STX3: variants seen among roughly 807,000 people sequenced by gnomAD.
STX3 encodes the protein syntaxin 3.
A neutral mutation model predicts 40.2 loss-of-function variants in STX3; 19 were observed. The ratio of observed to expected loss-of-function variants is 0.47; its 90% CI spans 0.33 to 0.69. The LOEUF (loss-of-function observed/expected upper bound fraction) is 0.69. Among genes scored for constraint, STX3 ranks in the 30% least tolerant of loss-of-function variants. The pLI is 0.02. For missense variants in STX3, 364 were observed against 366.7 expected (o/e 0.99, Z 0.06); for synonymous variants, 122 against 132.2 (o/e 0.92, Z 0.53).
At chr11:59,761,072 AT>A (rs1863007926) in intron 1 of STX3, among the ~76,000 whole-genome samples, 1 of 152,136 alleles carries the variant, frequency 6.6e-6, no homozygotes, top group African/African-American at 2.4e-5. Context: ...GAAGTGGAAC[AT>A]TTACTGAGGG....
Position 59,801,149 on chromosome 11 carries a change from G to C in STX3, c.*325G>C, listed in dbSNP as rs1865870446. ...GTGTGTCAGATTATGCCTTGCACTT[G>C]GGAAAGCTCTTGTGAGACTCTCCCA... On this transcript the variant is annotated 3_prime_UTR_variant, in exon 11 of 11. Transcript: ENST00000337979. 1.5e-6 allele frequency: 2 copies of C among 1,300,048 alleles called. No individual in the cohort carries two copies. The highest frequency in any genetic ancestry group is 2.0e-6 in the Non-Finnish European group (2 of 1,021,094). 80.5% of individuals were successfully genotyped at this position (1,300,048 alleles called of 1,614,324 possible).
intron 9 of STX3, among the ~76,000 whole-genome samples, chr11:59,796,514 A>G (rs1475216364): frequency 6.6e-6 from 1 of 152,212 alleles, no homozygotes; most frequent in Non-Finnish European, 1.5e-5. Context: ...GTTATTTTAC[A>G]TGGTGAATCC....
chr11:59,771,890 G>T (rs1428669175), intron 1 of STX3, among the ~76,000 whole-genome samples: 1 of 152,182 alleles, frequency 6.6e-6, no homozygotes, highest in African/African-American at 2.4e-5. Flanking sequence ...GGAGGTGGTA[G>T]CAGTGCCCTC....
chr11:59,776,783 GA>G (rs1226295934), intron 2 of STX3, among the ~76,000 whole-genome samples: 2 of 152,132 alleles, frequency 1.3e-5, no homozygotes, highest in African/African-American at 2.4e-5. Context: ...TTGATCGTTG[GA>G]AAAAAAGATT....
upstream of STX3, chr11:59,755,311 G>T: frequency 3.8e-6 from 1 of 263,120 alleles, no homozygotes; most frequent in Non-Finnish European, 7.1e-6. Context: ...AAGGAGCGAG[G>T]GGCGCGGCCA....
chr11:59,760,422 T>A (rs1862969522), intron 1 of STX3, among the ~76,000 whole-genome samples: 1 of 151,986 alleles, frequency 6.6e-6, no homozygotes, highest in Non-Finnish European at 1.5e-5. Context: ...TTTTTTTTTT[T>A]TGTTTGTTTG....
chr11:59,788,162 A>G (rs906671799), intron 3 of STX3, among the ~76,000 whole-genome samples: 1 of 152,196 alleles, frequency 6.6e-6, no homozygotes, highest in Non-Finnish European at 1.5e-5. Context: ...CTTGAGACTC[A>G]GTCCTGCTCA....
chr11:59,773,759 C>T (rs1863790310), intron 2 of STX3, among the ~76,000 whole-genome samples: 1 of 152,138 alleles, frequency 6.6e-6, no homozygotes, highest in Non-Finnish European at 1.5e-5. Flanking sequence ...GCAGGTGGAT[C>T]ACTTGAGGTC....
chr11:59,779,129 C>T (rs756962486), intron 2 of STX3, among the ~76,000 whole-genome samples: 5 of 152,156 alleles, frequency 3.3e-5, no homozygotes, highest in Non-Finnish European at 4.4e-5. Flanking sequence ...TGAGGCACCA[C>T]GCTGGCCAAA....
At chr11:59,769,089 A>G (rs887298993) in intron 1 of STX3, among the ~76,000 whole-genome samples, 4 of 152,190 alleles carry the variant, frequency 2.6e-5, no homozygotes, top group East Asian at 3.8e-4. Flanking sequence ...TCTTTATCCA[A>G]TCATCCATTG....
chr11:59,757,194 G>T (rs1365107225), intron 1 of STX3, among the ~76,000 whole-genome samples: 1 of 152,082 alleles, frequency 6.6e-6, no homozygotes, highest in Admixed American at 6.5e-5. Flanking sequence ...AGCCGGCCAG[G>T]GCACCACCAG....
At position 59,802,546 on chromosome 11, in the gene STX3, ATAAC is replaced by A. The variant is rs1425516188; in HGVS notation, c.*1726_*1729del. 14 of 985,794 alleles carry A rather than the reference ATAAC, an allele frequency of 1.4e-5. No individual in the cohort carries two copies. The highest frequency in any genetic ancestry group is 1.7e-5 in the Non-Finnish European group (14 of 829,952). The allele number at this position is 985,794 out of a possible 1,614,324, so 61.1% of individuals were successfully genotyped here. A position where few individuals can be genotyped will look rare whatever the true frequency, so the allele number is the denominator to read the frequency against. On this transcript the variant is annotated 3_prime_UTR_variant, in exon 11 of 11. Transcript: ENST00000337979. Reference sequence around the variant, plus strand: ...ATGGGCTCCAGCAACAAGAGACAAAATAACTAAAGGCCTTTGCTCTCCTCTGACA... The same window carrying A: ...ATGGGCTCCAGCAACAAGAGACAAAATAAAGGCCTTTGCTCTCCTCTGACA...
At chr11:59,782,229 C>T (rs938971597) in intron 2 of STX3, among the ~76,000 whole-genome samples, 8 of 152,178 alleles carry the variant, frequency 5.3e-5, no homozygotes, top group Non-Finnish European at 1.2e-4. Flanking sequence ...TATTTGGCCA[C>T]GCCCAACATG....
At position 59,797,441 on chromosome 11, in the gene STX3, A is replaced by T. The variant is rs775079430; in HGVS notation, c.*30+45A>T. The T allele has an allele frequency of 4.9e-5, 69 of 1,415,706 alleles. 2 individuals are homozygous for T. In the Middle Eastern group the frequency reaches 5.3e-4, roughly 11 times the overall value. The allele number at this position is 1,415,706 out of a possible 1,614,324, so 87.7% of individuals were successfully genotyped here. A position where few individuals can be genotyped will look rare whatever the true frequency, so the allele number is the denominator to read the frequency against. ...TTGGGGACTCTGGATTTGGCTCCTC[A>T]AGAGGAAATTAGCTTGGGATTTCAA... On this transcript the variant is annotated intron_variant, in intron 10 of 10. Transcript: ENST00000337979.
intron 1 of STX3, among the ~76,000 whole-genome samples, chr11:59,763,872 G>T (rs959430395): frequency 6.6e-6 from 1 of 152,100 alleles, no homozygotes. Context: ...TACAAAATTA[G>T]CAGGGCATGG....
chr11:59,775,466 CTG>C (rs1207293082), intron 2 of STX3, among the ~76,000 whole-genome samples: 1 of 152,206 alleles, frequency 6.6e-6, no homozygotes, highest in East Asian at 1.9e-4. Context: ...TTTCCAATAA[CTG>C]TGTTCTCCTT....
At chr11:59,793,576 A>C (rs974371223) in intron 8 of STX3, 62 bp downstream of exon 8, 28 of 1,559,226 alleles carry the variant, frequency 1.8e-5, no homozygotes, top group Non-Finnish European at 2.4e-5. Flanking sequence ...TCTACTGAGA[A>C]CAGGGAGAAA....
intron 2 of STX3, among the ~76,000 whole-genome samples, chr11:59,775,365 TA>T (rs1309119195): frequency 6.6e-6 from 1 of 152,166 alleles, no homozygotes; most frequent in Admixed American, 6.5e-5. Flanking sequence ...GGGGTGGACT[TA>T]AGGAGATGTT....
intron 1 of STX3, among the ~76,000 whole-genome samples, chr11:59,757,507 C>G (rs900159485): frequency 2.6e-5 from 4 of 152,202 alleles, no homozygotes; most frequent in Non-Finnish European, 5.9e-5. Flanking sequence ...GAGCAAGTCT[C>G]TTTGCCTCTC....
Sources: gnomAD v4.1 joint callset for allele counts (sites outside exome capture counted in the v4.1 genomes callset) on GRCh38, gnomAD v4.1.1 for gene constraint, MANE v1.5 for transcripts, NCBI Gene and HGNC (gene_info 2026-07-23, HGNC 2026-07-21) for gene names.